The following NMD3 variants were observed in gnomAD, a reference collection of about 807,000 sequenced individuals.
NMD3 encodes NMD3 ribosome export adaptor.
A neutral mutation model predicts 73.1 loss-of-function variants in NMD3; 47 were observed. That is an observed-to-expected ratio of 0.64 (90% CI 0.51 to 0.82). The LOEUF is 0.82. NMD3 is among the 40% of genes least tolerant of loss of function. The pLI is 0.00. For missense variants in NMD3, 554 were observed against 612.5 expected (o/e 0.90, Z 1.01); for synonymous variants, 210 against 194.5 (o/e 1.08, Z -0.66).
At chr3:161,225,166 A>G in intron 3 of NMD3, 102 bp downstream of exon 3, 3 of 1,255,696 alleles carry the variant, frequency 2.4e-6, no homozygotes, top group East Asian at 5.1e-5. Flanking sequence ...AGTAAAGTGC[A>G]TGCAATTAAG....
At chr3:161,224,897 T>G (rs1188175347) in intron 2 of NMD3, 33 bp from the exon 3 acceptor site, 1 of 1,552,740 alleles carries the variant, frequency 6.4e-7, no homozygotes, top group South Asian at 1.2e-5. Flanking sequence ...TTTAAAAATC[T>G]AATGTGAAAA....
At position 161,238,760 on chromosome 3, in the gene NMD3, A is replaced by G. The variant is rs11539155; in HGVS notation, c.687A>G (p.Gln229=). 0.038 allele frequency: 60,246 copies of G among 1,574,880 alleles called. 1,751 individuals carry two copies. The highest frequency in any genetic ancestry group is 0.13 in the South Asian group (11,158 of 88,682). ...AAGCATCACAAAGACTGATCTCTCAAGATATCCATAGTAACACATACAATT... is the reference window on the plus strand; with the variant it reads ...AAGCATCACAAAGACTGATCTCTCAGGATATCCATAGTAACACATACAATT... The part of the protein sequence containing the change: ...RYKASQRLIS[Q]DIHSNTYNYK... The change falls in exon 9 of 16, where the codon CAA becomes CAG. Residue 229 remains glutamine, a synonymous_variant. Transcript: ENST00000351193.
At chr3:161,242,277 G>T (rs1013626109) in intron 10 of NMD3, among the ~76,000 whole-genome samples, 6 of 151,972 alleles carry the variant, frequency 3.9e-5, no homozygotes, top group Non-Finnish European at 8.8e-5. Flanking sequence ...TGGCATTCTG[G>T]TTATAGTAAC....
chr3:161,246,383 A>G lies in NMD3; in HGVS notation c.1065A>G (p.Thr355=), dbSNP rs183097084. ...VWVQKTSEMN[T]DKQYFCRTHL... is the part of the protein sequence containing the mutation. ...TACAGAAGACATCTGAAATGAATACAGATAAACAGTATTTTTGTCGTACTC... is the reference window on the plus strand; with the variant it reads ...TACAGAAGACATCTGAAATGAATACGGATAAACAGTATTTTTGTCGTACTC... Residue 355 remains threonine (T), a synonymous_variant, in exon 12 of 16, where the codon ACA becomes ACG. Transcript: ENST00000351193. 7.9e-5 allele frequency: 120 copies of G among 1,526,672 alleles called. No homozygotes were observed. The East Asian group carries it at 2.2e-3, about 28-fold the overall frequency. The allele number at this position is 1,526,672 out of a possible 1,614,324, so 94.6% of individuals were successfully genotyped here. A position where few individuals can be genotyped will look rare whatever the true frequency, so the allele number is the denominator to read the frequency against.
downstream of NMD3, chr3:161,253,022 A>G (rs899879765): frequency 2.3e-5 from 7 of 300,766 alleles, no homozygotes; most frequent in African/African-American, 1.3e-4. Context: ...ACTTGAACCC[A>G]GGAGGCAGAG....
chr3:161,226,483 G>A (rs1340015171), intron 3 of NMD3, among the ~76,000 whole-genome samples: 1 of 151,940 alleles, frequency 6.6e-6, no homozygotes, highest in Non-Finnish European at 1.5e-5. Flanking sequence ...AAATAAATAT[G>A]TACTTATAAA....
intron 7 of NMD3, among the ~76,000 whole-genome samples, chr3:161,235,904 T>C (rs978244579): frequency 1.3e-5 from 2 of 152,138 alleles, no homozygotes; most frequent in East Asian, 3.8e-4. Context: ...TCTACTCACC[T>C]CACCTTAGAC....
intron 13 of NMD3, among the ~76,000 whole-genome samples, chr3:161,248,488 T>C (rs1399437533): frequency 6.6e-6 from 1 of 152,094 alleles, no homozygotes; most frequent in Non-Finnish European, 1.5e-5. Flanking sequence ...AGATTCCGTC[T>C]CCAAAAGATA....
chr3:161,246,593 A>G (rs765590487), intron 12 of NMD3, 145 bp downstream of exon 12: 33 of 418,226 alleles, frequency 7.9e-5, no homozygotes, highest in South Asian at 3.1e-4. Flanking sequence ...TTTATTGTTG[A>G]TAACTAAATT....
chr3:161,242,571 A>G lies in NMD3; in HGVS notation c.935A>G (p.Gln312Arg). The change falls in exon 11 of 16, where the codon CAG becomes CGG. Residue 312 changes from glutamine to arginine, a missense_variant. By Grantham distance (43) the Gln-to-Arg change is conservative (BLOSUM62 1). Coordinates refer to ENST00000351193, the MANE Select transcript of NMD3 (RefSeq NM_015938.5). ...HPFNSLCHPK[Q>R]LEEFIVMECS... ...TTCAATAGTTTATGTCATCCCAAACAGCTAGAGGAGTTTATTGTGATGGAA... is the reference window on the plus strand; with the variant it reads ...TTCAATAGTTTATGTCATCCCAAACGGCTAGAGGAGTTTATTGTGATGGAA... 1 of 1,613,846 alleles carries G rather than the reference A, an allele frequency of 6.2e-7. No individual in the cohort carries two copies. Among genetic ancestry groups the G allele is most frequent in the Non-Finnish European group, 8.5e-7 (1 of 1,179,794 alleles).
At chr3:161,230,314 G>A (rs1736484455) in intron 4 of NMD3, among the ~76,000 whole-genome samples, 1 of 151,668 alleles carries the variant, frequency 6.6e-6, no homozygotes, top group Non-Finnish European at 1.5e-5. Flanking sequence ...TCTCTTTTTG[G>A]CCCTGTAGAG....
chr3:161,221,344 CG>C lies in NMD3; in HGVS notation c.-83del, dbSNP rs1736065062. ...CGGAGACAGCCAGGTTGGCAGCTGA[CG>C]GGACAGCCGGGGTCTATTTTGTTGC... is the stretch of plus-strand genomic sequence containing the variant. On this transcript the variant is annotated 5_prime_UTR_variant, in exon 1 of 16. Transcript: ENST00000351193. 6.6e-6 allele frequency: 1 copy of C among 152,318 alleles called. No homozygotes were observed. Among genetic ancestry groups the C allele is most frequent in the African/African-American group, 2.4e-5 (1 of 41,452 alleles). 9.4% of individuals were successfully genotyped at this position (152,318 alleles called of 1,614,324 possible).
intron 2 of NMD3, 76 bp downstream of exon 2, chr3:161,222,133 G>T: frequency 8.6e-7 from 1 of 1,165,644 alleles, no homozygotes; most frequent in Admixed American, 1.8e-5. Context: ...TATGGAGAAC[G>T]CTTGAGGGTG....
At chr3:161,223,083 C>G (rs1159981616) in intron 2 of NMD3, 1 of 152,252 alleles carries the variant, frequency 6.6e-6, no homozygotes, top group Non-Finnish European at 1.5e-5. Flanking sequence ...ATTATACTTC[C>G]CTCCGGACAA....
At chr3:161,226,767 A>G (rs974690816) in intron 3 of NMD3, among the ~76,000 whole-genome samples, 1 of 152,234 alleles carries the variant, frequency 6.6e-6, no homozygotes, top group Non-Finnish European at 1.5e-5. Flanking sequence ...TTGTTTTACA[A>G]TTTACAATTT....
intron 9 of NMD3, among the ~76,000 whole-genome samples, chr3:161,239,278 A>G (rs183746431): frequency 6.6e-5 from 10 of 152,280 alleles, no homozygotes; most frequent in African/African-American, 2.4e-4. Flanking sequence ...ATTTTAAAAC[A>G]TAAGCTGAAT....
intron 3 of NMD3, among the ~76,000 whole-genome samples, chr3:161,225,637 T>TA (rs1736282427): frequency 6.6e-6 from 1 of 152,180 alleles, no homozygotes; most frequent in African/African-American, 2.4e-5. Context: ...ATAAACAACT[T>TA]ACATCTATTA....
intron 11 of NMD3, among the ~76,000 whole-genome samples, chr3:161,243,089 C>T (rs1737057090): frequency 6.6e-6 from 1 of 152,138 alleles, no homozygotes; most frequent in Non-Finnish European, 1.5e-5. Flanking sequence ...ATACAGTCTA[C>T]ACAGTATTCT....
rs1322075237 is a variant in NMD3 at position 161,246,362 on chromosome 3, G to T, written c.1044G>T (p.Gln348His). 13 of 1,489,106 alleles carry T rather than the reference G, an allele frequency of 8.7e-6. No individual in the cohort carries two copies. Among genetic ancestry groups the T allele is most frequent in the Non-Finnish European group, 1.1e-5 (12 of 1,093,044 alleles). The allele number at this position is 1,489,106 out of a possible 1,614,324, so 92.2% of individuals were successfully genotyped here. A position where few individuals can be genotyped will look rare whatever the true frequency, so the allele number is the denominator to read the frequency against. ...ATACCCTCGGGGAAGTCTGGGTACA[G>T]AAGACATCTGAAATGAATACAGATA... Reference protein sequence around the residue: ...KKHTLGEVWVQKTSEMNTDKQ... With the variant: ...KKHTLGEVWVHKTSEMNTDKQ... Residue 348 changes from glutamine (Q) to histidine (H), a missense_variant, in exon 12 of 16, where the codon CAG (glutamine) becomes CAT (histidine). Coordinates refer to ENST00000351193, the MANE Select transcript of NMD3 (RefSeq NM_015938.5).
Sources: gnomAD v4.1 joint callset for allele counts (sites outside exome capture counted in the v4.1 genomes callset) on GRCh38, gnomAD v4.1.1 for gene constraint, MANE v1.5 for transcripts, NCBI Gene and HGNC (gene_info 2026-07-23, HGNC 2026-07-21) for gene names.